ALCAM: variants seen among roughly 807,000 people sequenced by gnomAD.
ALCAM encodes CD166 antigen.
Under a neutral mutation model 70.9 loss-of-function variants are expected in ALCAM, and 30 were observed. The observed-to-expected ratio is 0.42, with a 90% CI of 0.32 to 0.57. The LOEUF (loss-of-function observed/expected upper bound fraction) is 0.57, where lower values mean the gene tolerates loss of function less well. Ranked by LOEUF, ALCAM falls within the 20% of genes least tolerant of loss-of-function variation. ALCAM has a pLI of 0.11. For synonymous variants in ALCAM, 249 were observed against 242.5 expected, an observed-to-expected ratio of 1.03 and a Z score of -0.25; for missense variants, 591 against 695.1, an observed-to-expected ratio of 0.85 and a Z score of 1.68.
chr3:105,556,813 T>G (rs1454285969), intron 14 of ALCAM, among the ~76,000 whole-genome samples: 1 of 152,102 alleles, frequency 6.6e-6, no homozygotes, highest in Non-Finnish European at 1.5e-5. Context: ...CCTCACTGAA[T>G]AAATTGAAAA....
chr3:105,563,196 C>T (rs1313493098), intron 14 of ALCAM, among the ~76,000 whole-genome samples: 1 of 128,918 alleles, frequency 7.8e-6, no homozygotes, highest in African/African-American at 2.8e-5. Context: ...AAATTATTGA[C>T]ATTTTTGCAA....
chr3:105,548,983 G>T (rs3772544), intron 11 of ALCAM, among the ~76,000 whole-genome samples: 6 of 151,334 alleles, frequency 4.0e-5, no homozygotes, highest in Non-Finnish European at 5.9e-5. Context: ...TTAATGAAAA[G>T]ATATGAAGAT....
At chr3:105,558,838 C>T (rs1369141165) in intron 14 of ALCAM, among the ~76,000 whole-genome samples, 2 of 152,058 alleles carry the variant, frequency 1.3e-5, no homozygotes, top group African/African-American at 4.8e-5. Context: ...CACATTTATC[C>T]TCACACCAGC....
At chr3:105,476,869 G>T (rs1175262665) in intron 1 of ALCAM, among the ~76,000 whole-genome samples, 2 of 152,020 alleles carry the variant, frequency 1.3e-5, no homozygotes, top group Non-Finnish European at 2.9e-5. Context: ...GTATCTCCCA[G>T]AATTTCCATG....
intron 6 of ALCAM, among the ~76,000 whole-genome samples, chr3:105,535,783 G>C (rs905018404): frequency 6.6e-6 from 1 of 151,966 alleles, no homozygotes; most frequent in Non-Finnish European, 1.5e-5. Context: ...TAAAATTTTT[G>C]TGATACTGGC....
In ALCAM at chr3:105,549,488, T is replaced by A. The variant is rs560671069; in HGVS notation, c.1375-639T>A. Among the ~76,000 whole-genome samples the A allele has an allele frequency of 7.3e-5, 11 of 151,582 alleles. 1 individual carries two copies. The highest frequency in any genetic ancestry group is 2.7e-4 in the African/African-American group (11 of 41,462). ...ATTATTTGCCTCAACCTTGTTGGGT[T>A]TAGGAGTCAAATCCTAGGGATGAGA... On this transcript the variant is annotated intron_variant, in intron 11 of 15. Coordinates refer to ENST00000306107, the MANE Select transcript of ALCAM (RefSeq NM_001627.4).
intron 8 of ALCAM, among the ~76,000 whole-genome samples, chr3:105,541,998 T>C (rs1940129298): frequency 6.6e-6 from 1 of 151,962 alleles, no homozygotes; most frequent in Non-Finnish European, 1.5e-5. Flanking sequence ...TACATCTCCA[T>C]CTTCTTTCTA....
chr3:105,514,894 T>C (rs1410790527), intron 1 of ALCAM, among the ~76,000 whole-genome samples: 1 of 151,962 alleles, frequency 6.6e-6, no homozygotes, highest in Non-Finnish European at 1.5e-5. Flanking sequence ...CAAATTGGCC[T>C]CTAACTACCC....
At chr3:105,420,116 A>C (rs1936609364) in intron 1 of ALCAM, among the ~76,000 whole-genome samples, 1 of 151,766 alleles carries the variant, frequency 6.6e-6, no homozygotes, top group Non-Finnish European at 1.5e-5. Flanking sequence ...AATATAAAAC[A>C]CTTAAAATTT....
At chr3:105,564,865 G>A (rs1265239410) in intron 14 of ALCAM, among the ~76,000 whole-genome samples, 1 of 152,146 alleles carries the variant, frequency 6.6e-6, no homozygotes. Flanking sequence ...GGCCAACGTG[G>A]CAAAACCCTG....
chr3:105,532,630 G>A (rs745832144), intron 4 of ALCAM, among the ~76,000 whole-genome samples: 1 of 151,840 alleles, frequency 6.6e-6, no homozygotes, highest in Non-Finnish European at 1.5e-5. Flanking sequence ...TAGAGAGAAT[G>A]ATGAAAGATG....
intron 1 of ALCAM, among the ~76,000 whole-genome samples, chr3:105,470,200 A>T (rs1165351113): frequency 3.3e-5 from 5 of 150,130 alleles, no homozygotes; most frequent in Admixed American, 2.0e-4. Flanking sequence ...TATTCAGCAA[A>T]TTATGGGTGT....
intron 1 of ALCAM, among the ~76,000 whole-genome samples, chr3:105,409,334 CAT>C (rs3048587): frequency 0.69 from 104,175 of 151,354 alleles, 36,130 homozygotes; most frequent in East Asian, 0.93. Context: ...GAAAATGTGA[CAT>C]ATATATATAT....
chr3:105,411,125 A>T (rs1936379154), intron 1 of ALCAM, among the ~76,000 whole-genome samples: 1 of 152,102 alleles, frequency 6.6e-6, no homozygotes, highest in Non-Finnish European at 1.5e-5. Flanking sequence ...AGACTGTCAG[A>T]AAGATCTCAG....
rs137929769 is a variant in ALCAM at position 105,380,552 on chromosome 3, C to T, written c.73+13071C>T. ...TTTTGATTTAGAAGAAGAATATGCA[C>T]GCGCACTTGTATGTTTGAGTCAGTG... On this transcript the variant is annotated intron_variant, in intron 1 of 15. Transcript: ENST00000306107. Among the ~76,000 whole-genome samples the T allele has an allele frequency of 3.3e-4, 50 of 151,848 alleles. No homozygotes were observed. In the East Asian group the frequency reaches 5.2e-3, roughly 16 times the overall value.
intron 15 of ALCAM, among the ~76,000 whole-genome samples, chr3:105,572,786 GTTT>G (rs1940884973): frequency 6.6e-6 from 1 of 152,238 alleles, no homozygotes; most frequent in East Asian, 1.9e-4. Flanking sequence ...CTCAGAAAGT[GTTT>G]TCGGAAGAAT....
chr3:105,548,601 G>A (rs1480064185), intron 11 of ALCAM, among the ~76,000 whole-genome samples: 4 of 151,354 alleles, frequency 2.6e-5, no homozygotes, highest in Admixed American at 1.3e-4. Context: ...TATAGGTGAT[G>A]CATATATAGC....
chr3:105,528,708 AAC>A (rs1430108166), intron 3 of ALCAM, among the ~76,000 whole-genome samples: 1 of 152,140 alleles, frequency 6.6e-6, no homozygotes, highest in African/African-American at 2.4e-5. Flanking sequence ...AGAGGAGAAC[AAC>A]ACACACTGGG....
intron 3 of ALCAM, among the ~76,000 whole-genome samples, chr3:105,525,937 A>G (rs1188564404): frequency 2.0e-5 from 3 of 152,216 alleles, no homozygotes; most frequent in Non-Finnish European, 4.4e-5. Flanking sequence ...TGCATCCTGC[A>G]TTTGCCAGTG....
Sources: gnomAD v4.1 joint callset for allele counts (sites outside exome capture counted in the v4.1 genomes callset) on GRCh38, gnomAD v4.1.1 for gene constraint, MANE v1.5 for transcripts, NCBI Gene and HGNC (gene_info 2026-07-23, HGNC 2026-07-21) for gene names.